The following CEP350 variants were observed in gnomAD, a reference collection of about 807,000 sequenced individuals.
CEP350 encodes centrosome-associated protein 350.
Under a neutral mutation model 331.8 loss-of-function variants are expected in CEP350, and 126 were observed. That is an observed-to-expected ratio of 0.38 (90% CI 0.33 to 0.44). CEP350 has a LOEUF of 0.44. Ranked by LOEUF, CEP350 falls within the 20% of genes least tolerant of loss-of-function variation. The probability of loss-of-function intolerance (pLI) is 1.00; values close to 1 mark genes in which losing one functional copy is unlikely to be tolerated. For synonymous variants in CEP350, 1,200 were observed against 1,259.5 expected (o/e 0.95, Z 1.00); for missense variants, 3,406 against 3,634.6 (o/e 0.94, Z 1.62).
At chr1:179,992,007 T>A (rs1236814155) in intron 4 of CEP350, 55 bp from the exon 5 acceptor site, 3 of 1,452,396 alleles carry the variant, frequency 2.1e-6, no homozygotes. Context: ...CCAGCCTAAT[T>A]CAGAGGCAGT....
At chr1:180,102,111 C>T (rs1024319410) in intron 37 of CEP350, among the ~76,000 whole-genome samples, 9 of 151,788 alleles carry the variant, frequency 5.9e-5, no homozygotes, top group African/African-American at 2.2e-4. Flanking sequence ...GCGGGCCTGC[C>T]ACTGAGGCCT....
intron 13 of CEP350, 128 bp downstream of exon 13, chr1:180,022,976 G>A: frequency 1.3e-6 from 1 of 795,986 alleles, no homozygotes. Flanking sequence ...ACATCATAGT[G>A]GAGATCCAGA....
chr1:180,086,067 C>T (rs1416019122), intron 31 of CEP350: 3 of 152,080 alleles, frequency 2.0e-5, no homozygotes, highest in Non-Finnish European at 4.4e-5. Context: ...GTGGCTTTAC[C>T]ATTGTATTGT....
chr1:180,107,537 G>A lies in CEP350; in HGVS notation c.9190-3460G>A, dbSNP rs1004496677. Among the ~76,000 whole-genome samples the A allele has an allele frequency of 4.6e-5, 7 of 152,222 alleles. No homozygotes were observed. In the South Asian group the frequency reaches 6.2e-4, roughly 14 times the overall value. ...ACAAAAATTAGCCGGGCATAGTGGC[G>A]CATGCCTGTAATCCCAGCTACTCGG... On this transcript the variant is annotated intron_variant, in intron 37 of 37. Transcript: ENST00000367607.
intron 14 of CEP350, among the ~76,000 whole-genome samples, chr1:180,030,482 T>C (rs1234422219): frequency 6.6e-6 from 1 of 151,772 alleles, no homozygotes; most frequent in Non-Finnish European, 1.5e-5. Context: ...TGTTTAAACA[T>C]ACAATCAAGA....
chr1:179,958,002 G>A (rs941720066), intron 1 of CEP350, among the ~76,000 whole-genome samples: 1 of 152,146 alleles, frequency 6.6e-6, no homozygotes, highest in Admixed American at 6.6e-5. Context: ...GTATAGGGGC[G>A]ATATCTCATG....
chr1:180,061,023 A>G (rs1658197562), intron 25 of CEP350, among the ~76,000 whole-genome samples: 2 of 152,286 alleles, frequency 1.3e-5, no homozygotes, highest in Admixed American at 1.3e-4. Context: ...ACTAGGAGAA[A>G]ATATAACTGA....
intron 25 of CEP350, among the ~76,000 whole-genome samples, chr1:180,058,955 C>G (rs1658033170): frequency 3.3e-5 from 5 of 152,150 alleles, no homozygotes; most frequent in Admixed American, 3.3e-4. Context: ...TTTACCCTCC[C>G]TGAAGTGACA....
chr1:180,079,299 C>T (rs541663934), intron 29 of CEP350, among the ~76,000 whole-genome samples: 144 of 150,326 alleles, frequency 9.6e-4, no homozygotes, highest in African/African-American at 3.1e-3. Flanking sequence ...CTAAAGTATA[C>T]ACAGATGTTG....
chr1:179,992,738 A>G (rs942805565), intron 5 of CEP350, among the ~76,000 whole-genome samples: 8 of 152,308 alleles, frequency 5.3e-5, no homozygotes, highest in Middle Eastern at 3.4e-3. Flanking sequence ...ATGAATTTTG[A>G]TAGCATAGAT....
chr1:180,106,521 CCCT>C (rs1227163356), intron 37 of CEP350, among the ~76,000 whole-genome samples: 1 of 152,084 alleles, frequency 6.6e-6, no homozygotes, highest in Non-Finnish European at 1.5e-5. Context: ...CTGTCAGTGT[CCCT>C]CTTTAAATAC....
Position 180,016,066 on chromosome 1 carries a change from G to A in CEP350, c.2174+96G>A, listed in dbSNP as rs115601236. The A allele has an allele frequency of 8.5e-5, 117 of 1,372,136 alleles. No individual in the cohort carries two copies. The African/African-American group carries it at 1.4e-3, about 17-fold the overall frequency. The allele number at this position is 1,372,136 out of a possible 1,614,324, so 85.0% of individuals were successfully genotyped here. On this transcript the variant is annotated intron_variant, in intron 11 of 37. Transcript: ENST00000367607. Reference sequence around the variant, plus strand: ...GAATTTTGTTGACTTTTGTGAACAAGAGGGCAGAGAGGTTTATTTACAAAT... The same window carrying A: ...GAATTTTGTTGACTTTTGTGAACAAAAGGGCAGAGAGGTTTATTTACAAAT...
intron 14 of CEP350, 44 bp downstream of exon 14, chr1:180,024,626 T>A: frequency 6.4e-7 from 1 of 1,550,786 alleles, no homozygotes; most frequent in Non-Finnish European, 8.7e-7. Flanking sequence ...TACCAATGAT[T>A]TTGTTGTAGT....
chr1:180,017,454 G>T (rs950010261), intron 11 of CEP350, among the ~76,000 whole-genome samples: 7 of 152,240 alleles, frequency 4.6e-5, no homozygotes, highest in Admixed American at 4.6e-4. Flanking sequence ...TCCTATTGTT[G>T]TCAGACATAC....
intron 37 of CEP350, among the ~76,000 whole-genome samples, 182 bp downstream of exon 37, chr1:180,099,167 A>G (rs1660654092): frequency 6.6e-6 from 1 of 152,210 alleles, no homozygotes; most frequent in East Asian, 1.9e-4. Flanking sequence ...TGTACTCAGT[A>G]GATGAACATT....
chr1:180,031,239 T>C lies in CEP350; in HGVS notation c.3551-81T>C, dbSNP rs1322141288. ...ATTCTGATTTATACTTTTTGTTATT[T>C]TATTGAAATCTATATATCAATTATC... On this transcript the variant is annotated intron_variant, in intron 14 of 37. Transcript: ENST00000367607. 3 of 770,582 alleles carry C rather than the reference T, an allele frequency of 3.9e-6. No individual in the cohort carries two copies. In the Admixed American group the frequency reaches 8.0e-5, roughly 21 times the overall value. The allele number at this position is 770,582 out of a possible 1,614,324, so 47.7% of individuals were successfully genotyped here. A position where few individuals can be genotyped will look rare whatever the true frequency, so the allele number is the denominator to read the frequency against.
Position 180,095,858 on chromosome 1 carries a change from T to G in CEP350, c.8847T>G (p.Ile2949Met). ...GCCACGATCTTCATAGCATCAGTAT[T>G]CCTACAAAACTGCTTGGCTGTGCCA... Reference protein sequence around the residue: ...ELGHDLHSISIPTKLLGCASK... With the variant: ...ELGHDLHSISMPTKLLGCASK... The change falls in exon 35 of 38, where the codon ATT becomes ATG. Residue 2949 changes from isoleucine to methionine, a missense_variant. By Grantham distance (10) the Ile-to-Met change is conservative. Coordinates refer to ENST00000367607, the MANE Select transcript of CEP350 (RefSeq NM_014810.5). 1 of 1,613,718 alleles carries G rather than the reference T, an allele frequency of 6.2e-7. No homozygotes were observed. Among genetic ancestry groups the G allele is most frequent in the Non-Finnish European group, 8.5e-7 (1 of 1,179,798 alleles).
Position 180,087,677 on chromosome 1 carries a change from T to A in CEP350, c.6385T>A (p.Ser2129Thr), listed in dbSNP as rs983692652. 1 of 1,583,836 alleles carries A rather than the reference T, an allele frequency of 6.3e-7. No individual in the cohort carries two copies. Among genetic ancestry groups the A allele is most frequent in the Non-Finnish European group, 8.6e-7 (1 of 1,163,442 alleles). The stretch of plus-strand genomic sequence containing the variant: ...TCAGATTAAAACGCTCTCCTCAGCT[T>A]CTGAAAAACCCAAGATCAAACCCCT... ...KPQIKTLSSASEKPKIKPLTP... is the reference protein window; with the variant it reads ...KPQIKTLSSATEKPKIKPLTP... The change falls in exon 32 of 38, where the codon TCT (serine) becomes ACT (threonine). Residue 2129 changes from serine (S) to threonine (T), a missense_variant. By Grantham distance (58) the Ser-to-Thr change is moderately conservative. Transcript: ENST00000367607.
At chr1:179,985,300 G>A (rs1396465420) in intron 1 of CEP350, among the ~76,000 whole-genome samples, 1 of 152,084 alleles carries the variant, frequency 6.6e-6, no homozygotes, top group Non-Finnish European at 1.5e-5. Context: ...ATGTCCTCCA[G>A]ATTCTTTCAT....
Sources: gnomAD v4.1 joint callset for allele counts (sites outside exome capture counted in the v4.1 genomes callset) on GRCh38, gnomAD v4.1.1 for gene constraint, MANE v1.5 for transcripts, NCBI Gene and HGNC (gene_info 2026-07-23, HGNC 2026-07-21) for gene names.